Variants in NALF1 observed in about 807,000 individuals in gnomAD.
NALF1 encodes the protein NALCN channel auxiliary factor 1.
In NALF1, 3 loss-of-function variants were observed where a neutral mutation model predicts 48.4. The observed-to-expected ratio is 0.06, with a 90% CI of 0.03 to 0.16. The LOEUF (loss-of-function observed/expected upper bound fraction) is 0.16. NALF1 is among the 10% of genes least tolerant of loss of function. NALF1 has a pLI of 1.00. For synonymous variants in NALF1, 262 were observed against 245.7 expected (o/e 1.07, Z -0.62); for missense variants, 526 against 571.5 (o/e 0.92, Z 0.81).
intron 1 of NALF1, among the ~76,000 whole-genome samples, chr13:107,399,155 A>G (rs756549041): frequency 2.0e-5 from 3 of 152,192 alleles, no homozygotes; most frequent in Non-Finnish European, 4.4e-5. Flanking sequence ...AGACCAGCAT[A>G]AAAATTTCAG....
chr13:107,388,703 A>C (rs1199246833), intron 1 of NALF1, among the ~76,000 whole-genome samples: 1 of 152,218 alleles, frequency 6.6e-6, no homozygotes, highest in Non-Finnish European at 1.5e-5. Context: ...AATGTATTTA[A>C]AGGGAATTGA....
chr13:107,831,798 T>C (rs1219219284), intron 1 of NALF1, among the ~76,000 whole-genome samples: 5 of 152,240 alleles, frequency 3.3e-5, no homozygotes, highest in Admixed American at 3.3e-4. Flanking sequence ...CCACCTCTCA[T>C]CTCTGCCCAG....
intron 1 of NALF1, among the ~76,000 whole-genome samples, chr13:107,781,213 C>G (rs1877876771): frequency 1.3e-5 from 2 of 151,926 alleles, no homozygotes; most frequent in South Asian, 2.1e-4. Flanking sequence ...TTTTTGAAAC[C>G]AGAGATGCCT....
chr13:107,533,696 A>T lies in NALF1; in HGVS notation c.916-322941T>A, dbSNP rs545278673. ...GACTTGAGGAAGTATTCCAAAGGCC[A>T]TCTTTCAGAAAACAAAACAAAACAC... On this transcript the variant is annotated intron_variant, in intron 1 of 2. Transcript: ENST00000375915. Among the ~76,000 whole-genome samples, 20 of 152,252 alleles carry T rather than the reference A, an allele frequency of 1.3e-4. No individual in the cohort carries two copies. In the South Asian group the frequency reaches 4.1e-3, roughly 32 times the overall value.
At position 107,215,042 on chromosome 13, in the gene NALF1, C is replaced by T. The variant is rs185872624; in HGVS notation, c.916-4287G>A. Among the ~76,000 whole-genome samples the T allele has an allele frequency of 1.0e-3, 153 of 152,178 alleles. 1 individual carries two copies. The highest frequency in any genetic ancestry group is 3.4e-3 in the Middle Eastern group (1 of 294). On this transcript the variant is annotated intron_variant, in intron 1 of 2. Coordinates refer to ENST00000375915, the MANE Select transcript of NALF1 (RefSeq NM_001080396.3). Reference sequence around the variant, plus strand: ...CAGAAAGTGAAGGGAGCATTGGATACGTCGGGGTCTCTGGAGTCACTAAGG... The same window carrying T: ...CAGAAAGTGAAGGGAGCATTGGATATGTCGGGGTCTCTGGAGTCACTAAGG...
intron 1 of NALF1, among the ~76,000 whole-genome samples, chr13:107,273,250 A>C (rs979545187): frequency 1.8e-4 from 27 of 152,210 alleles, no homozygotes; most frequent in South Asian, 8.3e-4. Context: ...AATAGGTCAT[A>C]ATGTTTTGTC....
intron 1 of NALF1, among the ~76,000 whole-genome samples, chr13:107,797,971 T>A (rs1032258162): frequency 1.3e-5 from 2 of 152,194 alleles, no homozygotes; most frequent in Non-Finnish European, 2.9e-5. Flanking sequence ...TGAAAGCAAT[T>A]TGAACCAATT....
intron 1 of NALF1, among the ~76,000 whole-genome samples, chr13:107,724,097 G>T (rs1876073737): frequency 6.6e-6 from 1 of 151,976 alleles, no homozygotes; most frequent in African/African-American, 2.4e-5. Flanking sequence ...ACACACAGAA[G>T]ATTAAAGATG....
chr13:107,289,450 G>T (rs1256967395), intron 1 of NALF1, among the ~76,000 whole-genome samples: 1 of 151,958 alleles, frequency 6.6e-6, no homozygotes, highest in African/African-American at 2.4e-5. Context: ...TAAATATTCC[G>T]GATTTTTTTG....
At chr13:107,755,265 T>C (rs903412489) in intron 1 of NALF1, among the ~76,000 whole-genome samples, 4 of 152,130 alleles carry the variant, frequency 2.6e-5, no homozygotes, top group Admixed American at 6.5e-5. Flanking sequence ...ATTTGACATG[T>C]AGAAGGCACA....
At chr13:107,246,038 C>A (rs1486226025) in intron 1 of NALF1, among the ~76,000 whole-genome samples, 1 of 152,146 alleles carries the variant, frequency 6.6e-6, no homozygotes, top group African/African-American at 2.4e-5. Flanking sequence ...ACCCAAGCGT[C>A]CTCCTCTCTC....
intron 1 of NALF1, among the ~76,000 whole-genome samples, chr13:107,415,573 A>G (rs1486571041): frequency 1.3e-5 from 2 of 152,194 alleles, no homozygotes; most frequent in African/African-American, 2.4e-5. Context: ...TTTCTAAAGC[A>G]AAAGCAAAAC....
chr13:107,375,817 G>T (rs1341696026), intron 1 of NALF1, among the ~76,000 whole-genome samples: 2 of 152,012 alleles, frequency 1.3e-5, no homozygotes, highest in Non-Finnish European at 2.9e-5. Context: ...TACCCAACCT[G>T]GGTAGGGAGT....
At chr13:107,477,321 C>T (rs1413698009) in intron 1 of NALF1, among the ~76,000 whole-genome samples, 3 of 152,068 alleles carry the variant, frequency 2.0e-5, no homozygotes. Context: ...AAACAGCACC[C>T]CTCTCAGCAA....
chr13:107,503,893 G>C (rs1875608023), intron 1 of NALF1, among the ~76,000 whole-genome samples: 1 of 150,300 alleles, frequency 6.7e-6, no homozygotes, highest in South Asian at 2.1e-4. Flanking sequence ...GACATAGAAA[G>C]AAAAATATTG....
chr13:107,565,566 G>A (rs541244848), intron 1 of NALF1, among the ~76,000 whole-genome samples: 1 of 152,248 alleles, frequency 6.6e-6, no homozygotes, highest in South Asian at 2.1e-4. Flanking sequence ...AGTCCCGAGA[G>A]TTGAATAACC....
At chr13:107,650,394 T>TAAAAAAAAAAAAAAA (rs11330259) in intron 1 of NALF1, among the ~76,000 whole-genome samples, 3 of 107,668 alleles carry the variant, frequency 2.8e-5, no homozygotes, top group Admixed American at 1.2e-4. Context: ...CTGCAACCAT[T>TAAAAAAAAAAAAAAA]AAAAAAAAAA....
rs188499013 is a variant in NALF1 at position 107,672,586 on chromosome 13, A to G, written c.915+193096T>C. ...GCTGGGAAACTTGGTTATAGCTAAC[A>G]TAACCCTTAGCAGAACAGGCAATTA... On this transcript the variant is annotated intron_variant, in intron 1 of 2. Coordinates refer to ENST00000375915, the MANE Select transcript of NALF1 (RefSeq NM_001080396.3). Among the ~76,000 whole-genome samples, 287 of 152,340 alleles carry G rather than the reference A, an allele frequency of 1.9e-3. No individual in the cohort carries two copies. The Middle Eastern group carries it at 0.024, about 13-fold the overall frequency.
intron 1 of NALF1, among the ~76,000 whole-genome samples, chr13:107,298,673 A>T (rs140845676): frequency 0.016 from 2,429 of 151,608 alleles, 87 homozygotes; most frequent in East Asian, 0.087. Flanking sequence ...CTCAGGATCC[A>T]CCCGCCTCAG....
Sources: allele counts gnomAD v4.1 joint callset (sites outside exome capture counted in the v4.1 genomes callset), GRCh38; gene constraint gnomAD v4.1.1; transcripts MANE v1.5; gene names NCBI Gene and HGNC (gene_info 2026-07-23, HGNC 2026-07-21).